The following FAT3 variants were observed in gnomAD, a reference collection of about 807,000 sequenced individuals.
FAT3 encodes the protein protocadherin Fat 3.
A neutral mutation model predicts 310.2 loss-of-function variants in FAT3; 95 were observed. The observed-to-expected ratio is 0.31, with a 90% CI of 0.26 to 0.36. FAT3 has a LOEUF of 0.36. Among genes scored for constraint, FAT3 ranks in the 10% least tolerant of loss-of-function variants. The pLI is 1.00. For synonymous variants in FAT3, 2,314 were observed against 2,192.9 expected, an observed-to-expected ratio of 1.06 and a Z score of -1.54; for missense variants, 5,408 against 5,715.6, an observed-to-expected ratio of 0.95 and a Z score of 1.74.
intron 3 of FAT3, among the ~76,000 whole-genome samples, chr11:92,685,734 A>G (rs982259345): frequency 1.3e-5 from 2 of 152,068 alleles, no homozygotes. Context: ...TATTCCTTTA[A>G]TGAACATTAA....
In FAT3 at chr11:92,753,798, G is replaced by GTATATATATATATATATATATATA. The variant is rs1555140308; in HGVS notation, c.3670-8047_3670-8046insATATATATATATATATATATATAT. Among the ~76,000 whole-genome samples the GTATATATATATATATATATATATA allele has an allele frequency of 1.9e-4, 23 of 119,132 alleles. 1 individual carries two copies. Among genetic ancestry groups the GTATATATATATATATATATATATA allele is most frequent in the South Asian group, 9.9e-4 (4 of 4,034 alleles). 78.2% of individuals were successfully genotyped at this position (119,132 alleles called of 152,430 possible). The stretch of plus-strand genomic sequence containing the variant: ...GGTGTGTGTGTGTGTGTGTGTGTGT[G>GTATATATATATATATATATATATA]TATATATATATGGTGGAATACTACT... On this transcript the variant is annotated intron_variant, in intron 4 of 27. Coordinates refer to ENST00000525166, the MANE Select transcript of FAT3 (RefSeq NM_001367949.2).
At chr11:92,287,095 C>G (rs539752809) in intron 1 of FAT3, among the ~76,000 whole-genome samples, 1 of 152,230 alleles carries the variant, frequency 6.6e-6, no homozygotes, top group South Asian at 2.1e-4. Flanking sequence ...GTTTCCTGTT[C>G]TTCAAATGGG....
intron 4 of FAT3, among the ~76,000 whole-genome samples, chr11:92,733,345 A>G (rs979812425): frequency 6.6e-6 from 1 of 151,658 alleles, no homozygotes; most frequent in Non-Finnish European, 1.5e-5. Flanking sequence ...TAGGAAATCA[A>G]TTTGAATAGG....
intron 4 of FAT3, among the ~76,000 whole-genome samples, chr11:92,742,393 C>G (rs1046981014): frequency 6.6e-6 from 1 of 152,176 alleles, no homozygotes; most frequent in South Asian, 2.1e-4. Context: ...GAAGTATATT[C>G]TCCATGTTGG....
intron 1 of FAT3, among the ~76,000 whole-genome samples, chr11:92,279,548 A>G (rs1456199003): frequency 6.6e-6 from 1 of 152,142 alleles, no homozygotes; most frequent in Non-Finnish European, 1.5e-5. Context: ...CCAAAAAAAG[A>G]GGTACTTTGT....
chr11:92,285,926 A>G (rs1271136903), intron 1 of FAT3, among the ~76,000 whole-genome samples: 1 of 152,156 alleles, frequency 6.6e-6, no homozygotes, highest in East Asian at 1.9e-4. Flanking sequence ...CTCCTCCAGG[A>G]CGTGGGGTGT....
intron 1 of FAT3, among the ~76,000 whole-genome samples, chr11:92,279,252 G>A (rs1946359064): frequency 6.6e-6 from 1 of 152,076 alleles, no homozygotes; most frequent in African/African-American, 2.4e-5. Flanking sequence ...CCAGTGTGTG[G>A]CTCAGCCTCT....
intron 4 of FAT3, among the ~76,000 whole-genome samples, chr11:92,726,520 A>T (rs1420615313): frequency 1.3e-5 from 2 of 152,164 alleles, no homozygotes. Context: ...GAATGATAAA[A>T]TGCCTAAAAT....
chr11:92,800,966 G>A lies in FAT3; in HGVS notation c.7953G>A (p.Leu2651=), dbSNP rs933709182. The A allele has an allele frequency of 3.7e-6, 6 of 1,613,158 alleles. No individual in the cohort carries two copies. Among genetic ancestry groups the A allele is most frequent in the Non-Finnish European group, 5.1e-6 (6 of 1,179,638 alleles). The change falls in exon 10 of 28, where the codon CTG becomes CTA. Residue 2651 remains leucine, a synonymous_variant. Transcript: ENST00000525166. ...CCTCTGTTTCAGTGGCCGACCTCCT[G>A]GAAATCGATCCTGACAATGGCTGGA... ...SEASVSVADL[L]EIDPDNGWMV... is the part of the protein sequence containing the mutation.
chr11:92,716,750 T>C (rs538248688), intron 4 of FAT3, among the ~76,000 whole-genome samples: 4 of 152,320 alleles, frequency 2.6e-5, no homozygotes, highest in Admixed American at 6.5e-5. Flanking sequence ...CCCAGCCTAA[T>C]TGCTATGATG....
chr11:92,703,245 G>A (rs1237990026), intron 4 of FAT3, among the ~76,000 whole-genome samples: 1 of 152,122 alleles, frequency 6.6e-6, no homozygotes, highest in Non-Finnish European at 1.5e-5. Context: ...TTTGCTGAGA[G>A]CACACCCTTA....
intron 1 of FAT3, among the ~76,000 whole-genome samples, chr11:92,263,969 G>A (rs148889095): frequency 6.6e-6 from 1 of 152,210 alleles, no homozygotes; most frequent in African/African-American, 2.4e-5. Context: ...GTGCTATAAA[G>A]TAGATAATCA....
Position 92,229,492 on chromosome 11 carries a change from G to GTTTTT in FAT3, c.-18+4328_-18+4332dup, listed in dbSNP as rs780129800. ...TTGTTTTCTTTTTTTGTTTTTTCGTGTTTTTTTTTTTTTTGTTTTTTGTTT... is the reference window on the plus strand; with the variant it reads ...TTGTTTTCTTTTTTTGTTTTTTCGTGTTTTTTTTTTTTTTTTTTTGTTTTTTGTTT... On this transcript the variant is annotated intron_variant, in intron 1 of 27. Coordinates refer to ENST00000525166, the MANE Select transcript of FAT3 (RefSeq NM_001367949.2). Among the ~76,000 whole-genome samples the GTTTTT allele has an allele frequency of 6.0e-4, 36 of 60,244 alleles. 2 individuals are homozygous for GTTTTT. The highest frequency in any genetic ancestry group is 2.0e-3 in the African/African-American group (33 of 16,868). 39.5% of individuals were successfully genotyped at this position (60,244 alleles called of 152,430 possible).
chr11:92,227,752 C>CTT (rs151286236), intron 1 of FAT3, among the ~76,000 whole-genome samples: 1,754 of 140,504 alleles, frequency 0.012, 20 homozygotes, highest in African/African-American at 0.034. Flanking sequence ...CTTTCTTCTT[C>CTT]TTTTTTTTTT....
intron 1 of FAT3, among the ~76,000 whole-genome samples, chr11:92,265,923 T>C (rs997125374): frequency 6.6e-6 from 1 of 152,084 alleles, no homozygotes; most frequent in African/African-American, 2.4e-5. Flanking sequence ...GATCATAGCA[T>C]TGGGGAAAGG....
intron 2 of FAT3, among the ~76,000 whole-genome samples, chr11:92,484,339 T>A (rs887707607): frequency 5.3e-5 from 8 of 152,228 alleles, no homozygotes; most frequent in African/African-American, 1.9e-4. Flanking sequence ...TTTAGGCACA[T>A]TTAAATTATA....
intron 1 of FAT3, among the ~76,000 whole-genome samples, chr11:92,348,003 G>A (rs61901528): frequency 6.6e-6 from 1 of 152,034 alleles, no homozygotes; most frequent in African/African-American, 2.4e-5. Context: ...ATGCTAAAAA[G>A]AAAAGAAGAC....
At chr11:92,568,936 C>G (rs549325910) in intron 3 of FAT3, among the ~76,000 whole-genome samples, 1 of 152,232 alleles carries the variant, frequency 6.6e-6, no homozygotes, top group African/African-American at 2.4e-5. Flanking sequence ...TCTCTCTTCC[C>G]CTCACTAGAC....
chr11:92,499,727 G>GTC (rs1555067148), intron 2 of FAT3, among the ~76,000 whole-genome samples: 1 of 118,376 alleles, frequency 8.4e-6, no homozygotes, highest in Non-Finnish European at 1.9e-5. Context: ...GTGTGTATGT[G>GTC]TGTGTGTGTG....
Sources: allele counts gnomAD v4.1 joint callset (sites outside exome capture counted in the v4.1 genomes callset), GRCh38; gene constraint gnomAD v4.1.1; transcripts MANE v1.5; gene names NCBI Gene and HGNC (gene_info 2026-07-23, HGNC 2026-07-21).